The following MAP4 variants were observed in gnomAD, a reference collection of about 807,000 sequenced individuals.
The protein encoded by MAP4 is microtubule-associated protein 4.
A neutral mutation model predicts 170.2 loss-of-function variants in MAP4; 76 were observed. That is an observed-to-expected ratio of 0.45 (90% CI 0.37 to 0.54). MAP4 has a LOEUF of 0.54. MAP4 is among the 20% of genes least tolerant of loss of function. MAP4 has a pLI of 0.00. For missense variants in MAP4, 2,506 were observed against 2,748.0 expected, an observed-to-expected ratio of 0.91 and a Z score of 1.97; for synonymous variants, 909 against 994.5, an observed-to-expected ratio of 0.91 and a Z score of 1.62.
intron 2 of MAP4, among the ~76,000 whole-genome samples, chr3:47,991,750 C>G (rs938430548): frequency 1.3e-5 from 2 of 152,080 alleles, no homozygotes; most frequent in African/African-American, 4.8e-5. Flanking sequence ...TCACGGCAAC[C>G]TCTGCCTCCC....
intron 3 of MAP4, among the ~76,000 whole-genome samples, chr3:47,968,392 C>G (rs892404578): frequency 6.6e-6 from 1 of 152,082 alleles, no homozygotes; most frequent in African/African-American, 2.4e-5. Flanking sequence ...TGAAAGAATA[C>G]CAATTATGTT....
chr3:47,935,888 GA>G (rs2100052464), intron 3 of MAP4, among the ~76,000 whole-genome samples: 1 of 139,950 alleles, frequency 7.1e-6, no homozygotes, highest in African/African-American at 2.7e-5. Flanking sequence ...GCAGTGAGCC[GA>G]GATCACACAA....
chr3:47,899,684 G>T (rs1267806904), intron 10 of MAP4, among the ~76,000 whole-genome samples: 2 of 152,218 alleles, frequency 1.3e-5, no homozygotes, highest in Non-Finnish European at 2.9e-5. Context: ...AAAAAGATCT[G>T]CTCAGTGAAA....
chr3:47,967,433 A>T (rs1407414721), intron 3 of MAP4, among the ~76,000 whole-genome samples: 1 of 152,016 alleles, frequency 6.6e-6, no homozygotes, highest in Non-Finnish European at 1.5e-5. Context: ...TGGGCAGATC[A>T]CTGAGGTCAG....
At chr3:47,876,559 G>C (rs374517806) in intron 11 of MAP4, among the ~76,000 whole-genome samples, 71 of 127,674 alleles carry the variant, frequency 5.6e-4, no homozygotes, top group African/African-American at 3.7e-3. Flanking sequence ...AAAAGCATCA[G>C]GAGGTGATTC....
chr3:47,915,445 A>C (rs2100038242), intron 7 of MAP4, among the ~76,000 whole-genome samples: 1 of 152,262 alleles, frequency 6.6e-6, no homozygotes, highest in African/African-American at 2.4e-5. Flanking sequence ...TGGGAAAAAT[A>C]ACAAACGTTT....
chr3:47,917,034 C>A lies in MAP4; in HGVS notation c.793G>T (p.Ala265Ser). 1 of 1,614,198 alleles carries A rather than the reference C, an allele frequency of 6.2e-7. No individual in the cohort carries two copies. Among genetic ancestry groups the A allele is most frequent in the Non-Finnish European group, 8.5e-7 (1 of 1,180,046 alleles). ...ETEMALAKDM[A>S]LATKTEVALA... The stretch of plus-strand genomic sequence containing the variant: ...GCCACCTCGGTTTTTGTAGCTAGTG[C>A]CATGTCCTTGGCGAGGGCCATCTCT... Residue 265 changes from alanine (A) to serine (S), a missense_variant, in exon 7 of 21, where the codon GCA (alanine) becomes TCA (serine). Around this residue, in one of 3 missense-constraint regions of MAP4, gnomAD observed 2,008 missense variants for 2,206.0 expected, o/e 0.91. Transcript: ENST00000683076.
intron 10 of MAP4, among the ~76,000 whole-genome samples, chr3:47,889,717 G>A (rs558182875): frequency 6.6e-6 from 1 of 152,184 alleles, no homozygotes; most frequent in South Asian, 2.1e-4. Context: ...ATGTGGTACT[G>A]AACAAAGCAC....
intron 1 of MAP4, among the ~76,000 whole-genome samples, chr3:48,048,941 T>C (rs1409574790): frequency 1.3e-5 from 2 of 152,130 alleles, no homozygotes; most frequent in East Asian, 1.9e-4. Flanking sequence ...ACTACCCCCC[T>C]GTCCCCTGGC....
rs1049274629 is a variant in MAP4 at position 47,968,670 on chromosome 3, C to T, written c.292+9195G>A. ...TAAAAATCACCAATCACTAACATAA[C>T]CTTCTACCAAAAGAAACTAGAAAAA... is the stretch of plus-strand genomic sequence containing the variant. On this transcript the variant is annotated intron_variant, in intron 3 of 20. Transcript: ENST00000683076. Among the ~76,000 whole-genome samples the T allele has an allele frequency of 4.6e-5, 7 of 151,988 alleles. No individual in the cohort carries two copies. The East Asian group carries it at 1.2e-3, about 25-fold the overall frequency.
intron 12 of MAP4, among the ~76,000 whole-genome samples, chr3:47,873,348 G>A (rs932255326): frequency 2.0e-5 from 3 of 152,142 alleles, no homozygotes; most frequent in African/African-American, 4.8e-5. Flanking sequence ...AGGGGATGAA[G>A]ACACTATTTT....
At chr3:47,981,594 ACC>A (rs2100085453) in intron 2 of MAP4, among the ~76,000 whole-genome samples, 1 of 151,444 alleles carries the variant, frequency 6.6e-6, no homozygotes, top group Non-Finnish European at 1.5e-5. Context: ...ATGCGGTGAA[ACC>A]CCATATCTAC....
Position 47,994,926 on chromosome 3 carries a change from G to A in MAP4, c.223+3712C>T, listed in dbSNP as rs2100094481. 2.0e-5 allele frequency among the ~76,000 whole-genome samples: 3 copies of A among 149,714 alleles called. 1 individual carries two copies. The South Asian group carries it at 6.3e-4, about 32-fold the overall frequency. On this transcript the variant is annotated intron_variant, in intron 2 of 20. Coordinates refer to ENST00000683076, the MANE Select transcript of MAP4 (RefSeq NM_001385682.1). ...ATCGTGCCACTGCACTCCAGCCTGTGCAATAGAGCGGGACTCCATCTCAAA... is the reference window on the plus strand; with the variant it reads ...ATCGTGCCACTGCACTCCAGCCTGTACAATAGAGCGGGACTCCATCTCAAA...
intron 6 of MAP4, 140 bp from the exon 7 acceptor site, chr3:47,917,314 A>C: frequency 1.4e-6 from 1 of 692,658 alleles, no homozygotes; most frequent in Non-Finnish European, 2.4e-6. Context: ...TAGGCCGGGC[A>C]CAGTGGCTCA....
rs377246069 is a variant in MAP4, at chr3:47,912,040, G to A, written c.2381C>T (p.Ala794Val). 1.2e-5 allele frequency: 19 copies of A among 1,536,116 alleles called. No homozygotes were observed. The African/African-American group carries it at 1.5e-4, about 12-fold the overall frequency. Residue 794 changes from alanine (A) to valine (V), a missense_variant, in exon 9 of 21, where the codon GCA becomes GTA. Ala to Val is a moderately conservative substitution (Grantham distance 64). Coordinates refer to ENST00000683076, the MANE Select transcript of MAP4 (RefSeq NM_001385682.1). ...RAGGPSDDDNADKPKGHPFAA... is the reference protein window; with the variant it reads ...RAGGPSDDDNVDKPKGHPFAA... ...AAATGGATGACCTTTAGGCTTATCTGCATTGTCATCATCCGAAGGTCCTCC... is the reference window on the plus strand; with the variant it reads ...AAATGGATGACCTTTAGGCTTATCTACATTGTCATCATCCGAAGGTCCTCC...
At chr3:47,981,218 T>C (rs1233812273) in intron 2 of MAP4, among the ~76,000 whole-genome samples, 1 of 152,116 alleles carries the variant, frequency 6.6e-6, no homozygotes, top group Non-Finnish European at 1.5e-5. Flanking sequence ...TGAGAGCACT[T>C]CGTGTTACCG....
intron 1 of MAP4, among the ~76,000 whole-genome samples, chr3:48,086,433 G>GT (rs1289585065): frequency 6.6e-6 from 1 of 152,170 alleles, no homozygotes; most frequent in African/African-American, 2.4e-5. Flanking sequence ...GAGGTCAGGA[G>GT]TTTGAGACCA....
chr3:47,977,342 AAG>A (rs1559674603), intron 3 of MAP4, among the ~76,000 whole-genome samples: 1 of 152,218 alleles, frequency 6.6e-6, no homozygotes, highest in East Asian at 1.9e-4. Flanking sequence ...TGCTAACTGA[AAG>A]AATATCAAAA....
At chr3:48,060,831 G>A (rs1399189271) in intron 1 of MAP4, among the ~76,000 whole-genome samples, 7 of 151,768 alleles carry the variant, frequency 4.6e-5, no homozygotes, top group South Asian at 2.1e-4. Flanking sequence ...AATTAAAAAC[G>A]AAACAAAATA....
Sources: allele counts gnomAD v4.1 joint callset (sites outside exome capture counted in the v4.1 genomes callset), GRCh38; gene constraint gnomAD v4.1.1; regional missense constraint gnomAD v4.1.1; transcripts MANE v1.5; gene names NCBI Gene and HGNC (gene_info 2026-07-23, HGNC 2026-07-21).